TMEM236: variants seen among roughly 807,000 people sequenced by gnomAD.
The protein encoded by TMEM236 is transmembrane protein 236.
A neutral mutation model predicts 14.7 loss-of-function variants in TMEM236; 11 were observed. That is an observed-to-expected ratio of 0.75 (90% CI 0.47 to 1.24). TMEM236 has a LOEUF of 1.24. Among genes scored for constraint, TMEM236 ranks in the 50% most tolerant of loss-of-function variants. The pLI is 0.00. For missense variants in TMEM236, 464 were observed against 427.3 expected (o/e 1.09, Z -0.76); for synonymous variants, 182 against 168.6 (o/e 1.08, Z -0.62).
chr10:17,756,203 A>G (rs1015935706), intron 1 of TMEM236, among the ~76,000 whole-genome samples: 19 of 152,330 alleles, frequency 1.2e-4, no homozygotes, highest in Middle Eastern at 3.4e-3. Flanking sequence ...GCAGTGATCT[A>G]TGATTGTGCC....
chr10:17,767,597 G>T (rs1837489374), intron 1 of TMEM236, among the ~76,000 whole-genome samples: 1 of 152,068 alleles, frequency 6.6e-6, no homozygotes, highest in African/African-American at 2.4e-5. Flanking sequence ...AGTATTTATT[G>T]AATTCCTACT....
intron 2 of TMEM236, among the ~76,000 whole-genome samples, chr10:17,772,746 G>C (rs1402306973): frequency 6.6e-6 from 1 of 152,148 alleles, no homozygotes; most frequent in Non-Finnish European, 1.5e-5. Flanking sequence ...CCGGCTCCAT[G>C]CCCACACTCC....
intron 1 of TMEM236, among the ~76,000 whole-genome samples, chr10:17,762,606 T>TAC (rs1246842554): frequency 2.6e-5 from 2 of 77,548 alleles, no homozygotes; most frequent in Non-Finnish European, 4.3e-5. Context: ...TATATATATA[T>TAC]ATATATATAT....
chr10:17,798,974 A>G lies in TMEM236; in HGVS notation c.*2470A>G, dbSNP rs1372132366. On this transcript the variant is annotated 3_prime_UTR_variant, in exon 4 of 4. Transcript: ENST00000377495. ...CTGGGAATAATCATTTCAACTTTGC[A>G]TTTGTGAAAAATAATACATACAATC... 2.2e-5 allele frequency: 7 copies of G among 312,778 alleles called. No homozygotes were observed. The highest frequency in any genetic ancestry group is 1.7e-4 in the East Asian group (2 of 11,764). 19.4% of individuals were successfully genotyped at this position (312,778 alleles called of 1,614,324 possible).
rs948304109 is a variant in TMEM236, at chr10:17,789,988, C to G, written c.473-5933C>G. Among the ~76,000 whole-genome samples the G allele has an allele frequency of 9.2e-5, 14 of 152,098 alleles. No homozygotes were observed. The East Asian group carries it at 2.7e-3, about 29-fold the overall frequency. ...GCAGTGATTCAAGATCGCGCCATGG[C>G]ACTCCAGCCTGGGCGACAGAGCGGG... On this transcript the variant is annotated intron_variant, in intron 3 of 3. Coordinates refer to ENST00000377495, the MANE Select transcript of TMEM236 (RefSeq NM_001098844.3).
chr10:17,794,490 A>G (rs1052363172), intron 3 of TMEM236, among the ~76,000 whole-genome samples: 6,811 of 131,192 alleles, frequency 0.052, 205 homozygotes, highest in Non-Finnish European at 0.071. Flanking sequence ...GAGAATTTGT[A>G]CATAATCCAA....
chr10:17,771,069 A>G (rs905660674), intron 1 of TMEM236, among the ~76,000 whole-genome samples: 3 of 152,182 alleles, frequency 2.0e-5, no homozygotes, highest in Admixed American at 2.0e-4. Flanking sequence ...TGCTTTTAAT[A>G]GTTTGTGGTT....
In TMEM236 at chr10:17,767,878, A is replaced by G. The variant is rs564905434; in HGVS notation, c.258-3431A>G. 7.4e-3 allele frequency among the ~76,000 whole-genome samples: 1,115 copies of G among 150,628 alleles called. 8 individuals are homozygous for G. Among genetic ancestry groups the G allele is most frequent in the Non-Finnish European group, 0.012 (834 of 67,810 alleles). On this transcript the variant is annotated intron_variant, in intron 1 of 3. Coordinates refer to ENST00000377495, the MANE Select transcript of TMEM236 (RefSeq NM_001098844.3). ...CTTCACTATCTTGAAATTATGAGTG[A>G]TTACAATTTTTACTAGATCTTAAGT...
intron 1 of TMEM236, among the ~76,000 whole-genome samples, chr10:17,759,428 G>C (rs1554833792): frequency 6.6e-6 from 1 of 152,130 alleles, no homozygotes; most frequent in Non-Finnish European, 1.5e-5. Flanking sequence ...GAACACGTCA[G>C]GAATCCTGGG....
chr10:17,779,294 A>G (rs1837710413), intron 3 of TMEM236, among the ~76,000 whole-genome samples: 1 of 151,894 alleles, frequency 6.6e-6, no homozygotes, highest in Admixed American at 6.6e-5. Context: ...ACCTTGAACC[A>G]CCTAGAAGCA....
intron 1 of TMEM236, among the ~76,000 whole-genome samples, chr10:17,769,571 G>A (rs1837533227): frequency 1.3e-5 from 2 of 152,298 alleles, no homozygotes; most frequent in South Asian, 4.1e-4. Context: ...GAGAAGAAGA[G>A]AACTTTATGA....
intron 1 of TMEM236, among the ~76,000 whole-genome samples, chr10:17,762,301 T>G (rs1268591980): frequency 6.6e-6 from 1 of 152,032 alleles, no homozygotes; most frequent in Admixed American, 6.6e-5. Context: ...TTTCTGGACC[T>G]TTGACTCTTT....
rs1838052524 is a variant in TMEM236, at chr10:17,798,652, G to A, written c.*2148G>A. On this transcript the variant is annotated 3_prime_UTR_variant, in exon 4 of 4. Transcript: ENST00000377495. ...TTAGGATTTTTCTCACACTGTAAAA[G>A]AAGATTTACTCACAGTTGTTAAAAG... 1 of 534,316 alleles carries A rather than the reference G, an allele frequency of 1.9e-6. No homozygotes were observed. The allele number at this position is 534,316 out of a possible 1,614,324, so 33.1% of individuals were successfully genotyped here.
chr10:17,758,274 A>G (rs1183210003), intron 1 of TMEM236, among the ~76,000 whole-genome samples: 4 of 152,248 alleles, frequency 2.6e-5, no homozygotes, highest in African/African-American at 4.8e-5. Flanking sequence ...GTGAAATTTC[A>G]TAGACCCTGA....
intron 3 of TMEM236, among the ~76,000 whole-genome samples, chr10:17,787,195 C>G (rs1310332598): frequency 6.6e-6 from 1 of 152,248 alleles, no homozygotes; most frequent in African/African-American, 2.4e-5. Flanking sequence ...TGAAGCACTG[C>G]TGCTGCTGTT....
chr10:17,771,926 T>A (rs1837579887), intron 2 of TMEM236, among the ~76,000 whole-genome samples: 1 of 152,214 alleles, frequency 6.6e-6, no homozygotes, highest in African/African-American at 2.4e-5. Flanking sequence ...TACTTCATTA[T>A]CCAAGAAGGT....
At chr10:17,764,715 T>A (rs1372359250) in intron 1 of TMEM236, among the ~76,000 whole-genome samples, 1 of 152,148 alleles carries the variant, frequency 6.6e-6, no homozygotes, top group Non-Finnish European at 1.5e-5. Flanking sequence ...TTGCTGGCAA[T>A]CTTTGGTGTT....
Position 17,756,571 on chromosome 10 carries a change from C to T in TMEM236, c.257+4019C>T, listed in dbSNP as rs1037322237. On this transcript the variant is annotated intron_variant, in intron 1 of 3. Coordinates refer to ENST00000377495, the MANE Select transcript of TMEM236 (RefSeq NM_001098844.3). ...TCAGCCTCCCAAAGTGCTGGGATTA[C>T]GGGCATGAACCACTGTGCCCAGCCT... 2.4e-4 allele frequency among the ~76,000 whole-genome samples: 37 copies of T among 152,308 alleles called. No individual in the cohort carries two copies. In the East Asian group the frequency reaches 6.4e-3, roughly 26 times the overall value.
rs992672906 is a variant in TMEM236, at chr10:17,770,392, T to A, written c.258-917T>A. The stretch of plus-strand genomic sequence containing the variant: ...TTTCTATTTTTTTAATTAATTAATT[T>A]ATTTATTTTGAGACAGAGTCTCGCT... On this transcript the variant is annotated intron_variant, in intron 1 of 3. Coordinates refer to ENST00000377495, the MANE Select transcript of TMEM236 (RefSeq NM_001098844.3). Among the ~76,000 whole-genome samples, 29 of 152,234 alleles carry A rather than the reference T, an allele frequency of 1.9e-4. 1 individual carries two copies. The highest frequency in any genetic ancestry group is 1.0e-3 in the South Asian group (5 of 4,824).
Sources: allele counts gnomAD v4.1 joint callset (sites outside exome capture counted in the v4.1 genomes callset), GRCh38; gene constraint gnomAD v4.1.1; transcripts MANE v1.5; gene names NCBI Gene and HGNC (gene_info 2026-07-23, HGNC 2026-07-21).